The following PRKG1 variants were observed in gnomAD, a reference collection of about 807,000 sequenced individuals.
PRKG1 encodes protein kinase cGMP-dependent 1.
In PRKG1, 35 loss-of-function variants were observed where a neutral mutation model predicts 88.1. That is an observed-to-expected ratio of 0.40 (90% confidence interval 0.30 to 0.53). The LOEUF (loss-of-function observed/expected upper bound fraction) is 0.53, where lower values mean the gene tolerates loss of function less well. Among genes scored for constraint, PRKG1 ranks in the 20% least tolerant of loss-of-function variants. PRKG1 has a pLI of 0.59. For missense variants in PRKG1, 540 were observed against 839.8 expected (o/e 0.64, Z 4.41); for synonymous variants, 303 against 292.5 (o/e 1.04, Z -0.37).
chr10:51,290,812 G>T (rs1250928613), intron 2 of PRKG1, among the ~76,000 whole-genome samples: 1 of 152,044 alleles, frequency 6.6e-6, no homozygotes, highest in Non-Finnish European at 1.5e-5. Context: ...TTTGGGGAGG[G>T]TATAGGGTGT....
intron 4 of PRKG1, among the ~76,000 whole-genome samples, chr10:51,832,734 C>T (rs1021073439): frequency 5.9e-5 from 9 of 151,992 alleles, no homozygotes; most frequent in Admixed American, 4.6e-4. Flanking sequence ...TCTTAGACAG[C>T]AATTTGCATT....
chr10:51,784,394 G>C (rs1838676819), intron 3 of PRKG1, among the ~76,000 whole-genome samples: 1 of 152,058 alleles, frequency 6.6e-6, no homozygotes, highest in African/African-American at 2.4e-5. Context: ...ATCAGCTCGT[G>C]TGTGTTCTGG....
At position 51,868,115 on chromosome 10, in the gene PRKG1, C is replaced by T. The variant is rs116376239; in HGVS notation, c.699-39392C>T. ...ATCAGCTGAATTGTGTTGTATGGTT[C>T]TGCAGTGTAGGTGGTCAGAATTTAG... is the stretch of plus-strand genomic sequence containing the variant. On this transcript the variant is annotated intron_variant, in intron 4 of 17. Transcript: ENST00000373980. Among the ~76,000 whole-genome samples, 1,313 of 152,166 alleles carry T rather than the reference C, an allele frequency of 8.6e-3. 22 individuals are homozygous for T. The highest frequency in any genetic ancestry group is 0.03 in the African/African-American group (1,256 of 41,506).
chr10:52,199,652 T>A (rs1839607104), intron 9 of PRKG1, among the ~76,000 whole-genome samples: 1 of 152,062 alleles, frequency 6.6e-6, no homozygotes, highest in Non-Finnish European at 1.5e-5. Context: ...ACTGGGAACT[T>A]CTCGAATTTC....
chr10:52,232,013 T>C (rs1456445652), intron 9 of PRKG1, among the ~76,000 whole-genome samples: 1 of 152,204 alleles, frequency 6.6e-6, no homozygotes, highest in Non-Finnish European at 1.5e-5. Flanking sequence ...GCTTTGATTC[T>C]TCAGACTTTA....
chr10:52,054,809 A>G (rs563637442), intron 6 of PRKG1, among the ~76,000 whole-genome samples: 1 of 152,250 alleles, frequency 6.6e-6, no homozygotes, highest in South Asian at 2.1e-4. Flanking sequence ...ATTTGTGTGA[A>G]TAGAAAGATC....
At chr10:51,142,765 C>T (rs377624418) in intron 1 of PRKG1, among the ~76,000 whole-genome samples, 6 of 151,812 alleles carry the variant, frequency 4.0e-5, no homozygotes, top group Admixed American at 6.6e-5. Context: ...TACAATGAAA[C>T]GTTAGATATG....
intron 2 of PRKG1, among the ~76,000 whole-genome samples, chr10:51,300,437 AT>A (rs879317088): frequency 3.9e-5 from 6 of 151,978 alleles, no homozygotes; most frequent in Admixed American, 6.5e-5. Context: ...GTATTTAATG[AT>A]TTTTTCTCTT....
intron 7 of PRKG1, among the ~76,000 whole-genome samples, chr10:52,122,267 T>A (rs1020977220): frequency 6.6e-5 from 10 of 152,184 alleles, no homozygotes; most frequent in Non-Finnish European, 1.0e-4. Flanking sequence ...ACTCCTGACA[T>A]AATGACATTA....
chr10:50,992,005 G>A (rs1373005516), intron 1 of PRKG1, among the ~76,000 whole-genome samples: 1 of 152,046 alleles, frequency 6.6e-6, no homozygotes, highest in Admixed American at 6.5e-5. Context: ...GAGCGTCCAC[G>A]CAGGGACCCA....
At chr10:52,067,933 A>G (rs10824013) in intron 7 of PRKG1, among the ~76,000 whole-genome samples, 86,890 of 124,278 alleles carry the variant, frequency 0.7, 32,443 homozygotes, top group African/African-American at 0.82. Flanking sequence ...GGCCGGGCGC[A>G]GTGGCTCACG....
In PRKG1 at chr10:51,804,605, TG is replaced by T; in HGVS notation, c.616del (p.Ala206ProfsTer10). 6.3e-7 allele frequency: 1 copy of T among 1,597,680 alleles called. No homozygotes were observed. Among genetic ancestry groups the T allele is most frequent in the Non-Finnish European group, 8.6e-7 (1 of 1,165,668 alleles). On this transcript the variant is annotated frameshift_variant, in exon 4 of 18. Transcript: ENST00000373980. LOFTEE classifies it high-confidence loss of function. ...TVKTLVNVKL[W>X]AIDRQCFQTI... Reference sequence around the variant, plus strand: ...TCCAGCTCTTGTAAATGTAAAACTCTGGGCCATTGATCGACAATGTTTTCAA... The same window carrying T: ...TCCAGCTCTTGTAAATGTAAAACTCTGGCCATTGATCGACAATGTTTTCAA...
In PRKG1 at chr10:51,421,283, C is replaced by T. The variant is rs890458431; in HGVS notation, c.479-46440C>T. On this transcript the variant is annotated intron_variant, in intron 2 of 17. Transcript: ENST00000373980. ...AACTCCTGGCCTCAAGCAATTTTCC[C>T]ACCTCAGCCTCCCAAGTATTTAATA... 3.6e-4 allele frequency among the ~76,000 whole-genome samples: 55 copies of T among 152,210 alleles called. 1 individual carries two copies. The highest frequency in any genetic ancestry group is 3.4e-3 in the Middle Eastern group (1 of 294).
chr10:51,880,514 C>T (rs901857733), intron 4 of PRKG1, among the ~76,000 whole-genome samples: 28 of 152,222 alleles, frequency 1.8e-4, no homozygotes, highest in African/African-American at 6.0e-4. Context: ...TTTCTGGTTT[C>T]CTGTGGGGAA....
chr10:51,200,071 C>T (rs1171963194), intron 2 of PRKG1, among the ~76,000 whole-genome samples: 2 of 152,132 alleles, frequency 1.3e-5, no homozygotes, highest in African/African-American at 2.4e-5. Context: ...TCAGGACACA[C>T]AGCTCAAAGT....
chr10:51,686,689 C>G (rs921737066), intron 3 of PRKG1, among the ~76,000 whole-genome samples: 1 of 152,170 alleles, frequency 6.6e-6, no homozygotes, highest in African/African-American at 2.4e-5. Flanking sequence ...GTAGTCTGAA[C>G]ACATGTGAAA....
intron 2 of PRKG1, among the ~76,000 whole-genome samples, chr10:51,316,876 G>A (rs1259375784): frequency 6.6e-6 from 1 of 152,084 alleles, no homozygotes; most frequent in Non-Finnish European, 1.5e-5. Context: ...TATTCTGAAT[G>A]AGGCTTGAGA....
Position 52,245,084 on chromosome 10 carries a change from A to G in PRKG1, c.1077-6486A>G, listed in dbSNP as rs144467862. Among the ~76,000 whole-genome samples the G allele has an allele frequency of 4.1e-3, 618 of 151,224 alleles. 3 individuals are homozygous for G. Among genetic ancestry groups the G allele is most frequent in the African/African-American group, 0.013 (550 of 41,424 alleles). On this transcript the variant is annotated intron_variant, in intron 9 of 17. Transcript: ENST00000373980. ...TACACTAAGCTTTATTAAATCAGGA[A>G]CAATTATCACATAAAATCCTGTGTA...
At chr10:51,806,373 T>A (rs531428444) in intron 4 of PRKG1, among the ~76,000 whole-genome samples, 1 of 152,308 alleles carries the variant, frequency 6.6e-6, no homozygotes, top group African/African-American at 2.4e-5. Context: ...GATGAAGATG[T>A]CTCAATCTGT....
Sources: allele counts gnomAD v4.1 joint callset (sites outside exome capture counted in the v4.1 genomes callset), GRCh38; gene constraint gnomAD v4.1.1; transcripts MANE v1.5; gene names NCBI Gene and HGNC (gene_info 2026-07-23, HGNC 2026-07-21).